Variants in VAV3 observed in about 807,000 individuals in gnomAD.
VAV3 encodes guanine nucleotide exchange factor VAV3.
Under a neutral mutation model 131.2 loss-of-function variants are expected in VAV3, and 94 were observed. The ratio of observed to expected loss-of-function variants is 0.72; its 90% CI spans 0.61 to 0.85. VAV3 has a LOEUF of 0.85. Ranked by LOEUF, VAV3 falls within the 40% of genes least tolerant of loss-of-function variation. The pLI is 0.00. For missense variants in VAV3, 939 were observed against 1,002.7 expected, an observed-to-expected ratio of 0.94 and a Z score of 0.86; for synonymous variants, 349 against 342.0, an observed-to-expected ratio of 1.02 and a Z score of -0.22.
intron 22 of VAV3, among the ~76,000 whole-genome samples, chr1:107,606,853 A>G (rs865868436): frequency 2.5e-4 from 17 of 66,988 alleles, no homozygotes; most frequent in Admixed American, 1.9e-3. Flanking sequence ...CCTCAAATGT[A>G]TGGTTACTCT....
intron 19 of VAV3, among the ~76,000 whole-genome samples, chr1:107,682,597 T>C (rs982007340): frequency 2.0e-5 from 3 of 151,976 alleles, no homozygotes; most frequent in Admixed American, 1.3e-4. Flanking sequence ...AAAGCTCCTA[T>C]AAATCTTAAA....
At chr1:107,758,537 G>C (rs1664241819) in intron 10 of VAV3, among the ~76,000 whole-genome samples, 1 of 152,138 alleles carries the variant, frequency 6.6e-6, no homozygotes, top group Non-Finnish European at 1.5e-5. Flanking sequence ...ACTCTAGCTT[G>C]GGCAACAGAG....
chr1:107,745,582 C>G (rs1046170534), intron 15 of VAV3, among the ~76,000 whole-genome samples: 2 of 152,174 alleles, frequency 1.3e-5, no homozygotes, highest in Admixed American at 1.3e-4. Context: ...TAGGTCACCT[C>G]TGGGGAGAAT....
At chr1:107,583,245 C>CT (rs1650211925) in intron 25 of VAV3, among the ~76,000 whole-genome samples, 1 of 152,054 alleles carries the variant, frequency 6.6e-6, no homozygotes, top group Non-Finnish European at 1.5e-5. Flanking sequence ...CCTTTGCCCA[C>CT]TTTTTGATGG....
rs952321845 is a variant in VAV3, at chr1:107,721,582, G to A, written c.1503-16521C>T. ...AGACACTTCGGAAGGAAAGAAACAT[G>A]ATGAGAGCTGTGCTTTCAACCCAAC... On this transcript the variant is annotated intron_variant, in intron 15 of 26. Coordinates refer to ENST00000370056, the MANE Select transcript of VAV3 (RefSeq NM_006113.5). 4.6e-5 allele frequency among the ~76,000 whole-genome samples: 7 copies of A among 152,274 alleles called. No individual in the cohort carries two copies. The South Asian group carries it at 1.2e-3, about 27-fold the overall frequency.
intron 2 of VAV3, among the ~76,000 whole-genome samples, chr1:107,808,577 T>C (rs1667169981): frequency 6.6e-6 from 1 of 152,156 alleles, no homozygotes; most frequent in African/African-American, 2.4e-5. Flanking sequence ...CAATTCATGA[T>C]TCAAATACCC....
intron 25 of VAV3, among the ~76,000 whole-genome samples, chr1:107,588,216 G>A (rs1015122317): frequency 1.3e-5 from 2 of 152,162 alleles, no homozygotes; most frequent in Admixed American, 1.3e-4. Flanking sequence ...ATGTGCAATT[G>A]CAGTTGATCA....
intron 2 of VAV3, among the ~76,000 whole-genome samples, chr1:107,783,779 T>C (rs1462844968): frequency 6.6e-6 from 1 of 151,766 alleles, no homozygotes; most frequent in East Asian, 1.9e-4. Flanking sequence ...CCAGGCCTGG[T>C]GGCTCACGCC....
At chr1:107,829,494 A>G (rs778756067) in intron 2 of VAV3, among the ~76,000 whole-genome samples, 10 of 152,194 alleles carry the variant, frequency 6.6e-5, no homozygotes, top group Non-Finnish European at 1.3e-4. Flanking sequence ...CTTCAAGCAT[A>G]AAGTACACCA....
chr1:107,809,208 G>A (rs866437538), intron 2 of VAV3, among the ~76,000 whole-genome samples: 64 of 152,078 alleles, frequency 4.2e-4, no homozygotes, highest in African/African-American at 1.5e-3. Flanking sequence ...CTACTTTTTT[G>A]GTTTCCTTTG....
chr1:107,788,358 C>T (rs1284982420), intron 2 of VAV3, among the ~76,000 whole-genome samples: 1 of 152,074 alleles, frequency 6.6e-6, no homozygotes, highest in Non-Finnish European at 1.5e-5. Context: ...CCTCACTCTG[C>T]CCACTCTCCA....
intron 1 of VAV3, among the ~76,000 whole-genome samples, chr1:107,888,013 G>T (rs1191897100): frequency 6.6e-6 from 1 of 151,068 alleles, no homozygotes. Flanking sequence ...TTGGGGGGGG[G>T]GTTATTTTGT....
At chr1:107,605,980 A>G (rs1221885063) in intron 22 of VAV3, among the ~76,000 whole-genome samples, 1 of 152,184 alleles carries the variant, frequency 6.6e-6, no homozygotes, top group Non-Finnish European at 1.5e-5. Flanking sequence ...TGAGCCCTCC[A>G]CGCTCTTCTA....
intron 20 of VAV3, among the ~76,000 whole-genome samples, chr1:107,635,618 A>G (rs922544471): frequency 3.5e-4 from 53 of 152,200 alleles, no homozygotes; most frequent in Non-Finnish European, 6.3e-4. Flanking sequence ...CTTAAAGTAT[A>G]ATAAAATAAA....
chr1:107,684,438 G>T (rs1434222935), intron 18 of VAV3, among the ~76,000 whole-genome samples: 1 of 152,190 alleles, frequency 6.6e-6, no homozygotes, highest in Non-Finnish European at 1.5e-5. Flanking sequence ...ACTTGGCTGT[G>T]CTAAGCACAC....
At chr1:107,955,950 CAT>C (rs1193453037) in intron 1 of VAV3, among the ~76,000 whole-genome samples, 1 of 152,228 alleles carries the variant, frequency 6.6e-6, no homozygotes, top group Admixed American at 6.5e-5. Context: ...TGTTCATCCA[CAT>C]GTTTCTATCT....
In VAV3 at chr1:107,603,035, T is replaced by C. The variant is rs1201342668; in HGVS notation, c.2132+12A>G. On this transcript the variant is annotated intron_variant, in intron 23 of 26. Transcript: ENST00000370056. ...GGAAATCTATTTCTGTAAAAGTACT[T>C]GTCCTACTTACTTAATGCTAATTGC... 1.3e-6 allele frequency: 2 copies of C among 1,586,136 alleles called. No homozygotes were observed. The highest frequency in any genetic ancestry group is 4.5e-5 in the East Asian group (2 of 44,628).
Position 107,755,322 on chromosome 1 carries a change from C to A in VAV3, c.1173+105G>T. The A allele has an allele frequency of 3.4e-6, 3 of 884,220 alleles. 1 individual carries two copies. The South Asian group carries it at 5.0e-5, about 15-fold the overall frequency. The allele number at this position is 884,220 out of a possible 1,614,324, so 54.8% of individuals were successfully genotyped here. ...AAACAAAGGGACTGGCAACAACCTCCAACAGTAGAAACTTGAAGGTAAACT... is the reference window on the plus strand; with the variant it reads ...AAACAAAGGGACTGGCAACAACCTCAAACAGTAGAAACTTGAAGGTAAACT... On this transcript the variant is annotated intron_variant, in intron 12 of 26. Coordinates refer to ENST00000370056, the MANE Select transcript of VAV3 (RefSeq NM_006113.5).
At chr1:107,927,395 C>T (rs1423716214) in intron 1 of VAV3, among the ~76,000 whole-genome samples, 3 of 152,030 alleles carry the variant, frequency 2.0e-5, no homozygotes, top group Admixed American at 6.6e-5. Flanking sequence ...GAGAGAGATG[C>T]CTTCTGTTTG....
Sources: allele counts gnomAD v4.1 joint callset (sites outside exome capture counted in the v4.1 genomes callset), GRCh38; gene constraint gnomAD v4.1.1; transcripts MANE v1.5; gene names NCBI Gene and HGNC (gene_info 2026-07-23, HGNC 2026-07-21).